The following MBOAT1 variants were observed in gnomAD, a reference collection of about 807,000 sequenced individuals.
MBOAT1 encodes the protein membrane bound glycerophospholipid O-acyltransferase 1.
Under a neutral mutation model 64.4 loss-of-function variants are expected in MBOAT1, and 67 were observed. That is an observed-to-expected ratio of 1.04 (90% CI 0.85 to 1.27). The LOEUF (loss-of-function observed/expected upper bound fraction) is 1.27, where lower values mean the gene tolerates loss of function less well. Among genes scored for constraint, MBOAT1 ranks in the 50% most tolerant of loss-of-function variants. The pLI is 0.00. For synonymous variants in MBOAT1, 229 were observed against 218.9 expected, an observed-to-expected ratio of 1.05 and a Z score of -0.41; for missense variants, 563 against 604.6, an observed-to-expected ratio of 0.93 and a Z score of 0.72.
chr6:20,188,547 C>T (rs796527936), intron 1 of MBOAT1, among the ~76,000 whole-genome samples: 2 of 152,138 alleles, frequency 1.3e-5, no homozygotes, highest in African/African-American at 4.8e-5. Context: ...AAGAAGAAAG[C>T]TCTCTGCCGC....
At chr6:20,120,659 A>T (rs1329367889) in intron 8 of MBOAT1, among the ~76,000 whole-genome samples, 2 of 87,162 alleles carry the variant, frequency 2.3e-5, no homozygotes, top group Non-Finnish European at 4.7e-5. Context: ...CAAGAGCAAA[A>T]CTCCATCTAA....
rs1473424943 is a variant in MBOAT1 at position 20,122,995 on chromosome 6, A to AT, written c.907+1412dup. 3.3e-5 allele frequency among the ~76,000 whole-genome samples: 5 copies of AT among 151,812 alleles called. No homozygotes were observed. The South Asian group carries it at 6.3e-4, about 19-fold the overall frequency. Reference sequence around the variant, plus strand: ...TACAGTAGCTGGGATTTTCCTAGTAATTTTTTGTATTTTTAGTAGAGACGG... The same window carrying AT: ...TACAGTAGCTGGGATTTTCCTAGTAATTTTTTTGTATTTTTAGTAGAGACGG... On this transcript the variant is annotated intron_variant, in intron 8 of 12. Coordinates refer to ENST00000324607, the MANE Select transcript of MBOAT1 (RefSeq NM_001080480.3).
rs1760663401 is a variant in MBOAT1, at chr6:20,126,686, A to T, written c.545T>A (p.Phe182Tyr). Reference protein sequence around the residue: ...HRLAIKVKPSFLEYLSYLLNF... With the variant: ...HRLAIKVKPSYLEYLSYLLNF... ...GAGAAGGTAACTTAAGTATTCCAAA[A>T]AAGAGGGTTTCACTCTGTGAAAATA... The change falls in exon 7 of 13, where the codon TTT (phenylalanine) becomes TAT (tyrosine). Residue 182 changes from phenylalanine (F) to tyrosine (Y), a missense_variant. Phe to Tyr is a conservative substitution (Grantham distance 22). Transcript: ENST00000324607. The T allele has an allele frequency of 6.2e-7, 1 of 1,610,464 alleles. No individual in the cohort carries two copies. The highest frequency in any genetic ancestry group is 1.7e-5 in the Admixed American group (1 of 59,166).
At chr6:20,165,742 CAAA>C (rs11309966) in intron 1 of MBOAT1, among the ~76,000 whole-genome samples, 17 of 137,446 alleles carry the variant, frequency 1.2e-4, no homozygotes, top group Non-Finnish European at 9.5e-5. Flanking sequence ...GACTCTGTTT[CAAA>C]AAAAAAAAAA....
rs376252004 is a variant in MBOAT1 at position 20,106,803 on chromosome 6, T to C, written c.1361+2795A>G. ...AATAACTAGAAACCAGAAAATATCC[T>C]AGGTTGGATCATCTAAAATAGGCCT... On this transcript the variant is annotated intron_variant, in intron 12 of 12. Transcript: ENST00000324607. 1.9e-4 allele frequency among the ~76,000 whole-genome samples: 29 copies of C among 152,232 alleles called. No individual in the cohort carries two copies. The East Asian group carries it at 5.2e-3, about 27-fold the overall frequency.
intron 1 of MBOAT1, among the ~76,000 whole-genome samples, chr6:20,157,750 A>C (rs2113704476): frequency 6.6e-6 from 1 of 152,182 alleles, no homozygotes; most frequent in African/African-American, 2.4e-5. Flanking sequence ...AAAAAAAAAA[A>C]CTCATCTTAA....
chr6:20,159,944 G>A (rs1761800703), intron 1 of MBOAT1, among the ~76,000 whole-genome samples: 1 of 152,130 alleles, frequency 6.6e-6, no homozygotes, highest in African/African-American at 2.4e-5. Flanking sequence ...CCAGCAATGT[G>A]CTCTCAACAA....
At chr6:20,108,791 C>T (rs1760034801) in intron 12 of MBOAT1, among the ~76,000 whole-genome samples, 1 of 152,216 alleles carries the variant, frequency 6.6e-6, no homozygotes, top group Admixed American at 6.5e-5. Context: ...ACATTTATCT[C>T]ATTAATTCTA....
chr6:20,114,776 C>T (rs191658267), intron 10 of MBOAT1, among the ~76,000 whole-genome samples: 6 of 151,424 alleles, frequency 4.0e-5, no homozygotes, highest in East Asian at 3.9e-4. Flanking sequence ...CCCAGCTACT[C>T]GGGAGGCTGA....
chr6:20,190,015 G>A (rs1013754908), intron 1 of MBOAT1, among the ~76,000 whole-genome samples: 14 of 148,778 alleles, frequency 9.4e-5, no homozygotes, highest in Non-Finnish European at 3.0e-5. Context: ...TACCTTTTTC[G>A]AGAGAGTCTC....
chr6:20,119,020 CAGG>C (rs1366790471), intron 8 of MBOAT1, among the ~76,000 whole-genome samples: 1 of 152,108 alleles, frequency 6.6e-6, no homozygotes, highest in East Asian at 1.9e-4. Context: ...AGTGCTAAAT[CAGG>C]AGGAGAACCG....
intron 1 of MBOAT1, among the ~76,000 whole-genome samples, chr6:20,186,413 G>C (rs982044736): frequency 5.3e-5 from 8 of 152,192 alleles, no homozygotes; most frequent in African/African-American, 1.4e-4. Context: ...AAACCCATGT[G>C]CCCTGGGTGT....
At position 20,128,689 on chromosome 6, in the gene MBOAT1, C is replaced by T. The variant is rs200360604; in HGVS notation, c.530+10G>A. 6 of 1,605,254 alleles carry T rather than the reference C, an allele frequency of 3.7e-6. No individual in the cohort carries two copies. The East Asian group carries it at 1.3e-4, about 36-fold the overall frequency. ...AAGGGCTTGTTAATATATCGTTACA[C>T]TTCACTTACTTGATAGCAAGTCGAT... On this transcript the variant is annotated intron_variant, in intron 6 of 12. Coordinates refer to ENST00000324607, the MANE Select transcript of MBOAT1 (RefSeq NM_001080480.3).
chr6:20,133,257 G>T (rs933471671), intron 4 of MBOAT1, among the ~76,000 whole-genome samples: 2 of 152,210 alleles, frequency 1.3e-5, no homozygotes, highest in Non-Finnish European at 2.9e-5. Context: ...GGTGAGGCAA[G>T]TGTAGCAAGA....
At chr6:20,128,420 C>A (rs1274134529) in intron 6 of MBOAT1, among the ~76,000 whole-genome samples, 2 of 152,054 alleles carry the variant, frequency 1.3e-5, no homozygotes, top group Non-Finnish European at 2.9e-5. Flanking sequence ...AGGTACAGTT[C>A]TATTTACTCT....
intron 12 of MBOAT1, among the ~76,000 whole-genome samples, chr6:20,103,493 G>A (rs1274166387): frequency 6.6e-6 from 1 of 152,148 alleles, no homozygotes; most frequent in Non-Finnish European, 1.5e-5. Context: ...GTGCAATGGT[G>A]TGATCTCGGC....
chr6:20,189,787 T>C (rs1762753665), intron 1 of MBOAT1, among the ~76,000 whole-genome samples: 1 of 151,714 alleles, frequency 6.6e-6, no homozygotes, highest in South Asian at 2.1e-4. Flanking sequence ...ACATGGCATT[T>C]GTCTACCTGT....
Position 20,127,073 on chromosome 6 carries a change from G to A in MBOAT1, c.531-373C>T, listed in dbSNP as rs572643956. Among the ~76,000 whole-genome samples the A allele has an allele frequency of 5.9e-5, 9 of 152,268 alleles. No homozygotes were observed. The South Asian group carries it at 1.2e-3, about 21-fold the overall frequency. The stretch of plus-strand genomic sequence containing the variant: ...GGGCGGAACCTGACCTAATGTTAGC[G>A]GATCGAGATGCTTCCAAATGGGAAA... On this transcript the variant is annotated intron_variant, in intron 6 of 12. Coordinates refer to ENST00000324607, the MANE Select transcript of MBOAT1 (RefSeq NM_001080480.3).
chr6:20,156,659 A>C (rs1329650060), intron 1 of MBOAT1, among the ~76,000 whole-genome samples: 2 of 152,236 alleles, frequency 1.3e-5, no homozygotes, highest in Non-Finnish European at 2.9e-5. Context: ...CAAACAGAAA[A>C]TAGTAAGTAT....
Sources: allele counts gnomAD v4.1 joint callset (sites outside exome capture counted in the v4.1 genomes callset), GRCh38; gene constraint gnomAD v4.1.1; transcripts MANE v1.5; gene names NCBI Gene and HGNC (gene_info 2026-07-23, HGNC 2026-07-21).